The following TBXAS1 variants were observed in gnomAD, a reference collection of about 807,000 sequenced individuals.
TBXAS1 encodes thromboxane A synthase 1, also known as thromboxane-A synthase.
TBXAS1 carries 48 observed loss-of-function variants against 60.7 expected under a neutral mutation model. That is an observed-to-expected ratio of 0.79 (90% CI 0.63 to 1.01). The LOEUF is 1.01. Among genes scored for constraint, TBXAS1 ranks in the 50% least tolerant of loss-of-function variants. TBXAS1 has a pLI of 0.00. For missense variants in TBXAS1, 685 were observed against 686.3 expected (o/e 1.00, Z 0.02); for synonymous variants, 287 against 269.7 (o/e 1.06, Z -0.63).
chr7:139,784,021 T>TG (rs1222186026), intron 3 of TBXAS1, among the ~76,000 whole-genome samples: 2 of 151,224 alleles, frequency 1.3e-5, no homozygotes, highest in Admixed American at 6.6e-5. Context: ...GTTTTTTTTT[T>TG]TTTTGTATTT....
intron 5 of TBXAS1, among the ~76,000 whole-genome samples, chr7:139,952,180 G>A (rs1413257209): frequency 1.3e-5 from 2 of 152,150 alleles, no homozygotes; most frequent in Non-Finnish European, 2.9e-5. Flanking sequence ...TTTTGCCTCA[G>A]TACAACAACA....
intron 1 of TBXAS1, among the ~76,000 whole-genome samples, chr7:139,832,461 T>C (rs1242767665): frequency 1.3e-5 from 2 of 152,000 alleles, no homozygotes; most frequent in Non-Finnish European, 2.9e-5. Context: ...TCTGGGATTA[T>C]GTTAAATGAC....
chr7:139,970,017 G>T (rs566338976), intron 9 of TBXAS1, among the ~76,000 whole-genome samples: 19 of 152,230 alleles, frequency 1.2e-4, no homozygotes, highest in Non-Finnish European at 1.8e-4. Flanking sequence ...AAAGTTTAAC[G>T]TGCACGGGAA....
chr7:139,789,578 C>G (rs1040168272), intron 4 of TBXAS1: 2 of 151,648 alleles, frequency 1.3e-5, no homozygotes, highest in South Asian at 2.1e-4. Context: ...ATATCTGACC[C>G]AACGGCTAGG....
At chr7:139,798,243 G>A (rs975450197) in intron 4 of TBXAS1, among the ~76,000 whole-genome samples, 2 of 152,136 alleles carry the variant, frequency 1.3e-5, no homozygotes, top group Admixed American at 6.5e-5. Flanking sequence ...GAAAGAAGCC[G>A]GTGAAGCAGG....
At chr7:139,940,483 G>A (rs941080337) in intron 5 of TBXAS1, among the ~76,000 whole-genome samples, 14 of 152,104 alleles carry the variant, frequency 9.2e-5, no homozygotes, top group East Asian at 5.8e-4. Flanking sequence ...CTGAGAATTC[G>A]CATGTCACGA....
At chr7:139,860,684 A>T (rs1449283852) in intron 1 of TBXAS1, among the ~76,000 whole-genome samples, 1 of 152,094 alleles carries the variant, frequency 6.6e-6, no homozygotes, top group East Asian at 1.9e-4. Flanking sequence ...CAAGAAGGGG[A>T]CACCCCCTGC....
At chr7:139,989,817 A>C (rs554933735) in intron 9 of TBXAS1, among the ~76,000 whole-genome samples, 14 of 152,282 alleles carry the variant, frequency 9.2e-5, no homozygotes, top group African/African-American at 3.4e-4. Context: ...GGTCACTCCG[A>C]TGCCATGGTC....
intron 5 of TBXAS1, among the ~76,000 whole-genome samples, chr7:139,951,291 C>T (rs982530449): frequency 1.3e-5 from 2 of 152,092 alleles, no homozygotes; most frequent in African/African-American, 2.4e-5. Context: ...ACTGGCTTTG[C>T]GATTGACGTG....
Position 139,955,616 on chromosome 7 carries a change from G to T in TBXAS1, c.688+9G>T. On this transcript the variant is annotated intron_variant, in intron 7 of 12. Transcript: ENST00000448866. ...TATCCTGGTTTTACTCTGTAAGTGC[G>T]GCTGCAGCCCGGGGCGCTGCGATGA... 6.2e-7 allele frequency: 1 copy of T among 1,613,882 alleles called. No homozygotes were observed. The highest frequency in any genetic ancestry group is 8.5e-7 in the Non-Finnish European group (1 of 1,180,020).
intron 10 of TBXAS1, among the ~76,000 whole-genome samples, chr7:140,008,287 C>T (rs1814250977): frequency 6.6e-6 from 1 of 152,108 alleles, no homozygotes; most frequent in Admixed American, 6.6e-5. Context: ...CTGCATTGTC[C>T]TCAAGCACAC....
At chr7:139,899,988 TC>T (rs1199612009) in intron 3 of TBXAS1, among the ~76,000 whole-genome samples, 1 of 152,178 alleles carries the variant, frequency 6.6e-6, no homozygotes, top group African/African-American at 2.4e-5. Context: ...TAAAATAATG[TC>T]CTCATCCATT....
chr7:139,989,104 G>A (rs1812713165), intron 9 of TBXAS1, among the ~76,000 whole-genome samples: 1 of 152,216 alleles, frequency 6.6e-6, no homozygotes, highest in Admixed American at 6.5e-5. Context: ...CTCCTGCCCT[G>A]CCCATAGCAG....
At chr7:139,801,863 A>G (rs1006502401) in intron 4 of TBXAS1, among the ~76,000 whole-genome samples, 2 of 152,134 alleles carry the variant, frequency 1.3e-5, no homozygotes, top group Non-Finnish European at 2.9e-5. Context: ...TCCCAGGTTC[A>G]AGCGATTCTT....
At chr7:139,921,846 A>G (rs1806496510) in intron 4 of TBXAS1, among the ~76,000 whole-genome samples, 1 of 152,186 alleles carries the variant, frequency 6.6e-6, no homozygotes, top group South Asian at 2.1e-4. Flanking sequence ...AACACCTAGG[A>G]GCAGCATCGC....
intron 9 of TBXAS1, among the ~76,000 whole-genome samples, chr7:139,977,605 T>C (rs1421439643): frequency 1.3e-5 from 2 of 152,076 alleles, no homozygotes; most frequent in Admixed American, 6.5e-5. Flanking sequence ...CCACACCTTG[T>C]CTCAGAATTA....
chr7:139,974,302 C>A (rs1811412623), intron 9 of TBXAS1, among the ~76,000 whole-genome samples: 1 of 152,218 alleles, frequency 6.6e-6, no homozygotes, highest in Non-Finnish European at 1.5e-5. Context: ...GCAGTTCTCA[C>A]CCCTCACCAG....
chr7:139,965,929 G>C (rs1460343542), intron 9 of TBXAS1, among the ~76,000 whole-genome samples: 1 of 148,556 alleles, frequency 6.7e-6, no homozygotes, highest in Non-Finnish European at 1.5e-5. Flanking sequence ...TGTTAATATG[G>C]GCCATCTGTC....
intron 9 of TBXAS1, among the ~76,000 whole-genome samples, chr7:139,990,927 G>T (rs1006159351): frequency 2.6e-5 from 4 of 152,146 alleles, no homozygotes; most frequent in African/African-American, 9.7e-5. Flanking sequence ...CCTCCCGACG[G>T]TGCAGGCACG....
Sources: allele counts gnomAD v4.1 joint callset (sites outside exome capture counted in the v4.1 genomes callset), GRCh38; gene constraint gnomAD v4.1.1; transcripts MANE v1.5; gene names NCBI Gene and HGNC (gene_info 2026-07-23, HGNC 2026-07-21).